The following CLIC5 variants were observed in gnomAD, a reference collection of about 807,000 sequenced individuals.
The protein encoded by CLIC5 is chloride intracellular channel protein 5.
A neutral mutation model predicts 24.7 loss-of-function variants in CLIC5; 20 were observed. The observed-to-expected ratio is 0.81, with a 90% CI of 0.57 to 1.18. The LOEUF is 1.18. CLIC5 is among the 50% of genes most tolerant of loss of function. The probability of loss-of-function intolerance (pLI) is 0.00; values close to 1 mark genes in which losing one functional copy is unlikely to be tolerated. For missense variants in CLIC5, 341 were observed against 326.1 expected, an observed-to-expected ratio of 1.05 and a Z score of -0.35; for synonymous variants, 159 against 135.6, an observed-to-expected ratio of 1.17 and a Z score of -1.20.
chr6:45,958,441 T>TATACACACACACACACACACAC (rs1554151284), intron 1 of CLIC5, among the ~76,000 whole-genome samples: 447 of 17,938 alleles, frequency 0.025, 44 homozygotes, highest in Non-Finnish European at 0.036. Context: ...TATATATATA[T>TATACACACACACACACACACAC]ATATATATAT....
At chr6:46,062,966 G>C (rs1374029366) in intron 1 of CLIC5, among the ~76,000 whole-genome samples, 1 of 152,112 alleles carries the variant, frequency 6.6e-6, no homozygotes, top group Non-Finnish European at 1.5e-5. Flanking sequence ...CTGTTTCCCT[G>C]TTTTCTCATT....
At chr6:45,956,166 A>G (rs1207278262) in intron 1 of CLIC5, among the ~76,000 whole-genome samples, 1 of 152,228 alleles carries the variant, frequency 6.6e-6, no homozygotes, top group East Asian at 1.9e-4. Context: ...TGGGCTGCAG[A>G]TCCCTGAATT....
At position 45,990,266 on chromosome 6, in the gene CLIC5, A is replaced by G. The variant is rs183655885; in HGVS notation, c.63+25214T>C. On this transcript the variant is annotated intron_variant, in intron 1 of 5. Transcript: ENST00000339561. ...CCTCTGATTCACTGTAGGCAGCACCAATGCCCTATTACTTTTTAAAGTGGT... is the reference window on the plus strand; with the variant it reads ...CCTCTGATTCACTGTAGGCAGCACCGATGCCCTATTACTTTTTAAAGTGGT... Among the ~76,000 whole-genome samples, 34 of 152,336 alleles carry G rather than the reference A, an allele frequency of 2.2e-4. No individual in the cohort carries two copies. In the East Asian group the frequency reaches 6.2e-3, roughly 28 times the overall value.
At chr6:46,005,592 T>G (rs1267807363) in intron 1 of CLIC5, among the ~76,000 whole-genome samples, 1 of 152,182 alleles carries the variant, frequency 6.6e-6, no homozygotes, top group Non-Finnish European at 1.5e-5. Context: ...CCATCAGAGA[T>G]GCTTCATGAT....
Position 45,889,931 on chromosome 6 carries a change from C to A in CLIC5, c.624-8743G>T, listed in dbSNP as rs141287687. Among the ~76,000 whole-genome samples the A allele has an allele frequency of 8.3e-4, 126 of 152,162 alleles. No individual in the cohort carries two copies. In the East Asian group the frequency reaches 0.015, roughly 18 times the overall value. ...CCAGTTAAGTGAGTTAGGTTGCATT[C>A]ATAGAATGAAACACTATATAGATGT... On this transcript the variant is annotated intron_variant, in intron 6 of 6. Coordinates refer to the CLIC5 transcript ENST00000644324.
At chr6:46,066,537 C>T (rs1199143909) in intron 1 of CLIC5, among the ~76,000 whole-genome samples, 3 of 152,068 alleles carry the variant, frequency 2.0e-5, no homozygotes, top group Non-Finnish European at 4.4e-5. Flanking sequence ...TGAACTATCC[C>T]CCGCCCCCCA....
At chr6:45,880,911 C>G, downstream of CLIC5, 1 of 380,222 alleles carries the variant, frequency 2.6e-6, no homozygotes, top group Non-Finnish European at 4.6e-6. Context: ...GCAGTGTTGC[C>G]GGTGACATTT....
At chr6:46,039,146 A>G (rs1767739698) in intron 1 of CLIC5, among the ~76,000 whole-genome samples, 1 of 152,194 alleles carries the variant, frequency 6.6e-6, no homozygotes, top group African/African-American at 2.4e-5. Flanking sequence ...TACAATAATA[A>G]TTAAAATCTC....
intron 1 of CLIC5, among the ~76,000 whole-genome samples, chr6:45,971,207 C>T (rs1267952893): frequency 2.0e-5 from 3 of 152,176 alleles, no homozygotes; most frequent in African/African-American, 7.2e-5. Context: ...CTCAAATCAG[C>T]CATCTGGTAT....
chr6:46,012,108 A>G (rs754525825), intron 1 of CLIC5, among the ~76,000 whole-genome samples: 2 of 152,204 alleles, frequency 1.3e-5, no homozygotes, highest in Non-Finnish European at 2.9e-5. Context: ...TTTGCTCCCA[A>G]ACTATCCTGG....
At chr6:45,986,199 G>A (rs932566064) in intron 1 of CLIC5, among the ~76,000 whole-genome samples, 2 of 152,164 alleles carry the variant, frequency 1.3e-5, no homozygotes, top group Non-Finnish European at 1.5e-5. Context: ...GACTAACACA[G>A]TGCCTTTAAC....
At chr6:45,970,810 G>A (rs777216722) in intron 1 of CLIC5, among the ~76,000 whole-genome samples, 12 of 152,156 alleles carry the variant, frequency 7.9e-5, no homozygotes, top group Non-Finnish European at 1.5e-4. Context: ...TCACTGTCTC[G>A]ATCTGGCATT....
the CLIC5 span, among the ~76,000 whole-genome samples, chr6:46,102,858 GAAGA>G: frequency 9.2e-5 from 14 of 152,292 alleles, no homozygotes; most frequent in African/African-American, 3.1e-4. Context: ...AAAAATCAGA[GAAGA>G]AAGAAACACA....
At chr6:46,032,964 A>G (rs1317240173) in intron 1 of CLIC5, among the ~76,000 whole-genome samples, 5 of 147,330 alleles carry the variant, frequency 3.4e-5, no homozygotes, top group Non-Finnish European at 7.5e-5. Context: ...ATCTAAGGGT[A>G]GGGCCTGGAA....
chr6:46,029,172 C>T (rs574991152), intron 1 of CLIC5, among the ~76,000 whole-genome samples: 3 of 152,308 alleles, frequency 2.0e-5, no homozygotes, highest in Admixed American at 6.5e-5. Context: ...GCAATGAGCA[C>T]AGTGCCTTAC....
chr6:45,956,806 C>A (rs1447518344), intron 1 of CLIC5, among the ~76,000 whole-genome samples: 7 of 152,142 alleles, frequency 4.6e-5, no homozygotes, highest in Non-Finnish European at 1.0e-4. Flanking sequence ...GGAAGCAGAC[C>A]CACCCCTGAG....
chr6:46,079,384 T>A (rs1001755376), intron 1 of CLIC5, among the ~76,000 whole-genome samples: 2 of 152,264 alleles, frequency 1.3e-5, no homozygotes. Flanking sequence ...CAGAAAAATG[T>A]ACTTAATGTC....
At chr6:45,941,021 G>C (rs1234812354) in intron 4 of CLIC5, among the ~76,000 whole-genome samples, 1 of 152,202 alleles carries the variant, frequency 6.6e-6, no homozygotes, top group African/African-American at 2.4e-5. Flanking sequence ...CAGGCTTTGA[G>C]GAGTGGCTTT....
intron 4 of CLIC5, chr6:45,932,651 G>T (rs1014916470): frequency 6.6e-6 from 1 of 152,250 alleles, no homozygotes; most frequent in Non-Finnish European, 1.5e-5. Flanking sequence ...GAGTTGTTGG[G>T]GACACAAACC....
Sources: allele counts gnomAD v4.1 joint callset (sites outside exome capture counted in the v4.1 genomes callset), GRCh38; gene constraint gnomAD v4.1.1; transcripts MANE v1.5; gene names NCBI Gene and HGNC (gene_info 2026-07-23, HGNC 2026-07-21).